The following CDH13 variants were observed in gnomAD, a reference collection of about 807,000 sequenced individuals.
CDH13 encodes the protein cadherin 13, also known as cadherin-13.
In CDH13, 24 loss-of-function variants were observed where a neutral mutation model predicts 63.8. The observed-to-expected ratio is 0.38, with a 90% confidence interval of 0.27 to 0.53. The LOEUF is 0.53. Among genes scored for constraint, CDH13 ranks in the 20% least tolerant of loss-of-function variants. The probability of loss-of-function intolerance (pLI) is 0.85; values close to 1 mark genes in which losing one functional copy is unlikely to be tolerated. For synonymous variants in CDH13, 503 were observed against 355.3 expected, an observed-to-expected ratio of 1.42 and a Z score of -4.67; for missense variants, 1,049 against 903.1, an observed-to-expected ratio of 1.16 and a Z score of -2.07.
Position 82,644,982 on chromosome 16 carries a change from G to C in CDH13, c.45+17845G>C, listed in dbSNP as rs143232537. Among the ~76,000 whole-genome samples the C allele has an allele frequency of 6.6e-6, 1 of 152,316 alleles. No homozygotes were observed. The highest frequency in any genetic ancestry group is 1.5e-5 in the Non-Finnish European group (1 of 68,038). ...ACTCTGGAGTTAGAGAAGTGGACCA[G>C]ATTGGGTTTTGTTTTTTCACAAATG... is the stretch of plus-strand genomic sequence containing the variant. On this transcript the variant is annotated intron_variant, in intron 1 of 13. Coordinates refer to ENST00000567109, the MANE Select transcript of CDH13 (RefSeq NM_001257.5). This position sits in a 1 kb window ranked among gnomAD's most constrained non-coding sequence, Gnocchi z 5.7.
rs149540186 is a variant in CDH13, at chr16:83,475,339, G to GCAA, written c.782-11136_782-11134dup. On this transcript the variant is annotated intron_variant, in intron 6 of 13. Coordinates refer to ENST00000567109, the MANE Select transcript of CDH13 (RefSeq NM_001257.5). ...GTTCAATGAGTCAGCATGTGAGTTT[G>GCAA]CAACTCTCTGCCGCTCCTGCAGCAG... Among the ~76,000 whole-genome samples the GCAA allele has an allele frequency of 2.7e-3, 407 of 152,320 alleles. 2 individuals carry two copies. Among genetic ancestry groups the GCAA allele is most frequent in the African/African-American group, 9.6e-3 (399 of 41,566 alleles).
At position 83,663,952 on chromosome 16, in the gene CDH13, G is replaced by A. The variant is rs117123365; in HGVS notation, c.1102-6838G>A. ...AGGCAGGAAGATCACTTGAGCCTAA[G>A]AGTTTGAGACCAGCCTGGGCAACTT... On this transcript the variant is annotated intron_variant, in intron 8 of 13. Transcript: ENST00000567109. Among the ~76,000 whole-genome samples the A allele has an allele frequency of 5.2e-4, 79 of 150,782 alleles. 2 individuals carry two copies. In the East Asian group the frequency reaches 0.014, roughly 26 times the overall value.
chr16:82,837,178 C>T (rs1567585250), intron 1 of CDH13, among the ~76,000 whole-genome samples: 1 of 152,146 alleles, frequency 6.6e-6, no homozygotes, highest in South Asian at 2.1e-4. Context: ...GGAGTTAGGC[C>T]ACGTGGATTT....
At chr16:83,002,345 C>T (rs375411419) in intron 2 of CDH13, among the ~76,000 whole-genome samples, 2 of 152,104 alleles carry the variant, frequency 1.3e-5, no homozygotes, top group African/African-American at 4.8e-5. Context: ...TGGCCTCAAG[C>T]CAAGAAACAC....
chr16:83,317,057 C>G (rs2090121880), intron 5 of CDH13, among the ~76,000 whole-genome samples: 2 of 152,214 alleles, frequency 1.3e-5, no homozygotes, highest in South Asian at 2.1e-4. Flanking sequence ...CTGGTTATCA[C>G]AACTCAAGGG....
intron 2 of CDH13, among the ~76,000 whole-genome samples, chr16:83,021,671 G>A (rs2151455860): frequency 6.6e-6 from 1 of 152,320 alleles, no homozygotes; most frequent in East Asian, 1.9e-4. Flanking sequence ...AGTTGGAACT[G>A]AAGCATGGAA....
chr16:82,903,439 C>G (rs2041535388), intron 2 of CDH13, among the ~76,000 whole-genome samples: 1 of 152,168 alleles, frequency 6.6e-6, no homozygotes, highest in African/African-American at 2.4e-5. Flanking sequence ...AGTGGGAGCC[C>G]TAGCTCATGG....
At chr16:83,453,646 G>A (rs2072941558) in intron 6 of CDH13, among the ~76,000 whole-genome samples, 1 of 152,110 alleles carries the variant, frequency 6.6e-6, no homozygotes, top group African/African-American at 2.4e-5. Flanking sequence ...TAATGGTGGG[G>A]TTCTCAGATC....
chr16:83,597,179 T>C (rs924257770), intron 7 of CDH13, among the ~76,000 whole-genome samples: 1 of 151,976 alleles, frequency 6.6e-6, no homozygotes, highest in Non-Finnish European at 1.5e-5. Context: ...GCTGTGATCA[T>C]GCCACTGCAC....
intron 8 of CDH13, among the ~76,000 whole-genome samples, chr16:83,624,859 A>T (rs1057072671): frequency 3.9e-5 from 6 of 152,148 alleles, no homozygotes; most frequent in African/African-American, 1.4e-4. Context: ...TCTACTCCAG[A>T]TCCTATTCAA....
rs376541383 is a variant in CDH13, at chr16:83,207,984, C to G, written c.484-9361C>G. On this transcript the variant is annotated intron_variant, in intron 4 of 13. Coordinates refer to ENST00000567109, the MANE Select transcript of CDH13 (RefSeq NM_001257.5). ...GATCTGGATGGTAGATTCAGATCCC[C>G]TCATTGTGTGTTGCTGGAGTTTTAT... Among the ~76,000 whole-genome samples the G allele has an allele frequency of 4.6e-5, 7 of 152,248 alleles. No homozygotes were observed. The East Asian group carries it at 1.2e-3, about 25-fold the overall frequency.
chr16:83,704,450 T>G (rs527402203), intron 10 of CDH13, among the ~76,000 whole-genome samples: 1 of 151,876 alleles, frequency 6.6e-6, no homozygotes, highest in South Asian at 2.1e-4. Flanking sequence ...TTTAGGGTGT[T>G]TAGGGAAATG....
At chr16:83,285,035 CCA>C (rs1251412486) in intron 5 of CDH13, among the ~76,000 whole-genome samples, 1 of 152,098 alleles carries the variant, frequency 6.6e-6, no homozygotes, top group Non-Finnish European at 1.5e-5. Context: ...TTTTCTGCAC[CCA>C]GTTATTCTCA....
chr16:83,467,242 C>G (rs1484280851), intron 6 of CDH13, among the ~76,000 whole-genome samples: 2 of 152,150 alleles, frequency 1.3e-5, no homozygotes, highest in African/African-American at 4.8e-5. Context: ...GCACATTTTT[C>G]TTTCTTTAAA....
chr16:82,715,008 C>G (rs1225319664), intron 1 of CDH13, among the ~76,000 whole-genome samples: 2 of 139,938 alleles, frequency 1.4e-5, no homozygotes, highest in Non-Finnish European at 3.1e-5. Context: ...CCGTAGGAAA[C>G]TAATACAAAG....
intron 4 of CDH13, among the ~76,000 whole-genome samples, chr16:83,176,153 A>G (rs931180424): frequency 5.9e-5 from 9 of 151,734 alleles, no homozygotes; most frequent in Non-Finnish European, 1.3e-4. Flanking sequence ...CCCGGCCTCA[A>G]CCTACTTTTT....
intron 4 of CDH13, among the ~76,000 whole-genome samples, chr16:83,133,750 C>T (rs949512773): frequency 6.6e-6 from 1 of 152,196 alleles, no homozygotes; most frequent in African/African-American, 2.4e-5. Context: ...CCACCTGCCT[C>T]GGCTGCCCAA....
chr16:82,750,534 G>C (rs2034370794), intron 1 of CDH13, among the ~76,000 whole-genome samples: 1 of 152,184 alleles, frequency 6.6e-6, no homozygotes, highest in African/African-American at 2.4e-5. Flanking sequence ...CTAATGATCT[G>C]ACATAGACTG....
At chr16:83,421,208 C>G (rs750224929) in intron 6 of CDH13, among the ~76,000 whole-genome samples, 4 of 152,106 alleles carry the variant, frequency 2.6e-5, no homozygotes, top group Non-Finnish European at 5.9e-5. Flanking sequence ...AGAAAACTCT[C>G]AGGAAAGTAT....
Sources: allele counts gnomAD v4.1 joint callset (sites outside exome capture counted in the v4.1 genomes callset), GRCh38; gene constraint gnomAD v4.1.1; non-coding constraint Gnocchi (gnomAD v3.1); transcripts MANE v1.5; gene names NCBI Gene and HGNC (gene_info 2026-07-23, HGNC 2026-07-21).